Variants in USPL1 observed in about 807,000 individuals in gnomAD.
USPL1 encodes ubiquitin specific peptidase like 1, also known as SUMO-specific isopeptidase USPL1.
In USPL1, 27 loss-of-function variants were observed where a neutral mutation model predicts 51.5. The observed-to-expected ratio is 0.52, with a 90% CI of 0.39 to 0.72. The LOEUF (loss-of-function observed/expected upper bound fraction) is 0.72, where lower values mean the gene tolerates loss of function less well. USPL1 is among the 30% of genes least tolerant of loss of function. The pLI, the probability that USPL1 is intolerant of heterozygous loss-of-function variation, is 0.00. For synonymous variants in USPL1, 451 were observed against 459.6 expected, an observed-to-expected ratio of 0.98 and a Z score of 0.24; for missense variants, 1,226 against 1,268.0, an observed-to-expected ratio of 0.97 and a Z score of 0.50.
intron 6 of USPL1, among the ~76,000 whole-genome samples, chr13:30,644,181 G>A (rs925730132): frequency 3.3e-5 from 5 of 151,958 alleles, no homozygotes; most frequent in African/African-American, 1.2e-4. Context: ...TACTCGGGAG[G>A]CTGAGGCAGG....
At chr13:30,650,762 G>A (rs1951080268) in intron 7 of USPL1, among the ~76,000 whole-genome samples, 1 of 151,982 alleles carries the variant, frequency 6.6e-6, no homozygotes, top group Non-Finnish European at 1.5e-5. Context: ...GGCCAAGGCG[G>A]GTGGATTACC....
chr13:30,652,189 A>AT (rs1951100667), intron 7 of USPL1, among the ~76,000 whole-genome samples: 1 of 152,214 alleles, frequency 6.6e-6, no homozygotes. Flanking sequence ...AATAGATATG[A>AT]TTTTTTAAAG....
In USPL1 at chr13:30,621,788, TC is replaced by T; in HGVS notation, c.125del (p.Ser42Ter). 6.4e-7 allele frequency: 1 copy of T among 1,551,472 alleles called. No homozygotes were observed. Among genetic ancestry groups the T allele is most frequent in the South Asian group, 1.3e-5 (1 of 79,300 alleles). On this transcript the variant is annotated frameshift_variant, in exon 3 of 9. Transcript: ENST00000255304. LOFTEE classifies it high-confidence loss of function. The stretch of plus-strand genomic sequence containing the variant: ...GAATTTTGATTCAGCTAAAGTTCCA[TC>T]AGATGAGTATTGCCCTGCTTGTAGA... ...GKNFDSAKVP[S>X]DEYCPACREK...
chr13:30,653,350 T>G, intron 8 of USPL1, 45 bp downstream of exon 8: 1 of 1,491,866 alleles, frequency 6.7e-7, no homozygotes, highest in Non-Finnish European at 9.0e-7. Context: ...GCATAGAAAC[T>G]AAATTCTAGC....
In USPL1 at chr13:30,631,197, C is replaced by G; in HGVS notation, c.591C>G (p.Gly197=). 18 of 1,614,152 alleles carry G rather than the reference C, an allele frequency of 1.1e-5. No individual in the cohort carries two copies. Among genetic ancestry groups the G allele is most frequent in the Non-Finnish European group, 1.5e-5 (18 of 1,180,028 alleles). ...CTACAGTTGATGTCTCTGGAACTGG[C>G]AGACCTTCCCCTCAAAATGAAGGAT... is the stretch of plus-strand genomic sequence containing the variant. The part of the protein sequence containing the change: ...DPATVDVSGT[G]RPSPQNEGCT... The change falls in exon 4 of 9, where the codon GGC becomes GGG. Residue 197 remains glycine, a synonymous_variant. Coordinates refer to ENST00000255304, the MANE Select transcript of USPL1 (RefSeq NM_005800.5).
In USPL1 at chr13:30,631,399, A is replaced by G. The variant is rs141608033; in HGVS notation, c.793A>G (p.Ile265Val). The G allele has an allele frequency of 4.3e-6, 7 of 1,614,142 alleles. No homozygotes were observed. The highest frequency in any genetic ancestry group is 2.2e-5 in the East Asian group (1 of 44,906). Reference sequence around the variant, plus strand: ...TGGACTGTGCTCGAAGGAGGAATCTATATTCTGGCGGTTGCTTACAAAATA... The same window carrying G: ...TGGACTGTGCTCGAAGGAGGAATCTGTATTCTGGCGGTTGCTTACAAAATA... ...VTGLCSKEES[I>V]FWRLLTKYNQ... The change falls in exon 4 of 9, where the codon ATA becomes GTA. Residue 265 changes from isoleucine to valine, a missense_variant. Coordinates refer to ENST00000255304, the MANE Select transcript of USPL1 (RefSeq NM_005800.5).
At position 30,631,342 on chromosome 13, in the gene USPL1, G is replaced by A. The variant is rs1227007982; in HGVS notation, c.736G>A (p.Val246Met). Residue 246 changes from valine (V) to methionine (M), a missense_variant, in exon 4 of 9, where the codon GTG becomes ATG. Physicochemically the swap from Val to Met is conservative, Grantham distance 21. Coordinates refer to ENST00000255304, the MANE Select transcript of USPL1 (RefSeq NM_005800.5). Reference sequence around the variant, plus strand: ...GTTAGACTGTATCCTGTCAGCTTTGGTGCACTCGGAAGAGTTAAAGAACAC... The same window carrying A: ...GTTAGACTGTATCCTGTCAGCTTTGATGCACTCGGAAGAGTTAAAGAACAC... Reference protein sequence around the residue: ...CWLDCILSALVHSEELKNTVT... With the variant: ...CWLDCILSALMHSEELKNTVT... 1 of 1,614,158 alleles carries A rather than the reference G, an allele frequency of 6.2e-7. No individual in the cohort carries two copies. Among genetic ancestry groups the A allele is most frequent in the East Asian group, 2.2e-5 (1 of 44,882 alleles).
Position 30,659,050 on chromosome 13 carries a change from T to G in USPL1, c.2973T>G (p.Gly991=). The G allele has an allele frequency of 6.2e-7, 1 of 1,614,172 alleles. No individual in the cohort carries two copies. The highest frequency in any genetic ancestry group is 8.5e-7 in the Non-Finnish European group (1 of 1,180,032). Residue 991 remains glycine (G), a synonymous_variant, in exon 9 of 9, where the codon GGT becomes GGG. Coordinates refer to ENST00000255304, the MANE Select transcript of USPL1 (RefSeq NM_005800.5). ...VSTELSENGE[G]DFRYLGMGDS... ...CAGAGCTGTCAGAAAATGGGGAAGG[T>G]GACTTTAGGTATTTGGGAATGGGAG...
chr13:30,650,733 G>A (rs996669915), intron 7 of USPL1, among the ~76,000 whole-genome samples: 2 of 152,124 alleles, frequency 1.3e-5, no homozygotes, highest in African/African-American at 4.8e-5. Flanking sequence ...AGTGGCTCAT[G>A]CCTGTAATCA....
At chr13:30,654,275 A>G (rs973561403) in intron 8 of USPL1, among the ~76,000 whole-genome samples, 8 of 151,956 alleles carry the variant, frequency 5.3e-5, no homozygotes, top group African/African-American at 1.7e-4. Context: ...CCAAATATCA[A>G]TGTTGGGTGT....
At chr13:30,656,605 T>C (rs553556154) in intron 8 of USPL1, among the ~76,000 whole-genome samples, 1 of 152,370 alleles carries the variant, frequency 6.6e-6, no homozygotes, top group South Asian at 2.1e-4. Context: ...CATTTGACTA[T>C]TGTGAATAAT....
intron 3 of USPL1, among the ~76,000 whole-genome samples, chr13:30,623,101 G>A (rs1003220122): frequency 2.0e-5 from 3 of 152,022 alleles, no homozygotes; most frequent in African/African-American, 4.8e-5. Context: ...CAAAGTAGGG[G>A]GAGTTTGCAA....
chr13:30,658,380 C>A lies in USPL1; in HGVS notation c.2303C>A (p.Ala768Asp), dbSNP rs372536120. ...SWVKGLISRG[A>D]SFMPLCVSAH... is the part of the protein sequence containing the mutation. The stretch of plus-strand genomic sequence containing the variant: ...GTTAAAGGCTTAATAAGCAGGGGTG[C>A]TTCTTTTATGCCACTCTGTGTTTCA... Residue 768 changes from alanine (A) to aspartate (D), a missense_variant, in exon 9 of 9, where the codon GCT becomes GAT. Transcript: ENST00000255304. 3.1e-6 allele frequency: 5 copies of A among 1,613,478 alleles called. No individual in the cohort carries two copies. Among genetic ancestry groups the A allele is most frequent in the Non-Finnish European group, 4.2e-6 (5 of 1,179,992 alleles).
intron 3 of USPL1, among the ~76,000 whole-genome samples, chr13:30,625,444 GTT>G (rs926283215): frequency 1.3e-4 from 15 of 118,952 alleles, no homozygotes; most frequent in African/African-American, 5.2e-4. Flanking sequence ...TTTGTTTTTT[GTT>G]TTTTTTTTTT....
chr13:30,626,417 A>G (rs557474182), intron 3 of USPL1, among the ~76,000 whole-genome samples: 1 of 152,254 alleles, frequency 6.6e-6, no homozygotes, highest in Admixed American at 6.5e-5. Flanking sequence ...GTTCATAAAT[A>G]AAGTTTTACC....
At chr13:30,647,532 T>C in intron 7 of USPL1, among the ~76,000 whole-genome samples, 1 of 152,178 alleles carries the variant, frequency 6.6e-6, no homozygotes, top group East Asian at 1.9e-4. Context: ...ATATTTTCAT[T>C]GTATTTTGCC....
At chr13:30,657,344 C>T in intron 8 of USPL1, 130 bp from the exon 9 acceptor site, 2 of 939,644 alleles carry the variant, frequency 2.1e-6, no homozygotes, top group Non-Finnish European at 3.1e-6. Flanking sequence ...GTGACAAGGT[C>T]AAGAACATGT....
intron 4 of USPL1, among the ~76,000 whole-genome samples, chr13:30,637,071 T>C (rs1950886070): frequency 6.6e-6 from 1 of 151,976 alleles, no homozygotes; most frequent in East Asian, 1.9e-4. Flanking sequence ...TCCTCCCACC[T>C]CAGCCTCCTG....
intron 6 of USPL1, among the ~76,000 whole-genome samples, chr13:30,645,708 C>T (rs1243923695): frequency 1.3e-5 from 2 of 152,180 alleles, no homozygotes; most frequent in Non-Finnish European, 2.9e-5. Context: ...GCTTTTTACT[C>T]AACTTGGAAA....
Sources: gnomAD v4.1 joint callset for allele counts (sites outside exome capture counted in the v4.1 genomes callset) on GRCh38, gnomAD v4.1.1 for gene constraint, MANE v1.5 for transcripts, NCBI Gene and HGNC (gene_info 2026-07-23, HGNC 2026-07-21) for gene names.